NWD2: variants seen among roughly 807,000 people sequenced by gnomAD.
NWD2 encodes the protein NACHT and WD repeat domain-containing protein 2.
Under a neutral mutation model 132.7 loss-of-function variants are expected in NWD2, and 37 were observed. The ratio of observed to expected loss-of-function variants is 0.28; its 90% CI spans 0.21 to 0.37. The LOEUF (loss-of-function observed/expected upper bound fraction) is 0.37. NWD2 is among the 10% of genes least tolerant of loss of function. The pLI is 1.00. For synonymous variants in NWD2, 705 were observed against 803.0 expected (o/e 0.88, Z 2.06); for missense variants, 1,592 against 2,122.4 (o/e 0.75, Z 4.91).
At chr4:37,395,820 C>A (rs1397803672) in intron 3 of NWD2, among the ~76,000 whole-genome samples, 1 of 151,468 alleles carries the variant, frequency 6.6e-6, no homozygotes, top group Non-Finnish European at 1.5e-5. Flanking sequence ...GGCTGGAGTG[C>A]AATGGCATGA....
intron 3 of NWD2, among the ~76,000 whole-genome samples, chr4:37,390,747 C>T (rs1720666309): frequency 6.6e-6 from 1 of 152,142 alleles, no homozygotes; most frequent in African/African-American, 2.4e-5. Context: ...GTTTAAATGA[C>T]TTGCCAAAAG....
At chr4:37,259,937 C>A (rs1235967772) in intron 1 of NWD2, among the ~76,000 whole-genome samples, 1 of 152,234 alleles carries the variant, frequency 6.6e-6, no homozygotes, top group Non-Finnish European at 1.5e-5. Context: ...CCATGCCTTT[C>A]TGGCAGGAGC....
At position 37,254,219 on chromosome 4, in the gene NWD2, T is replaced by C. The variant is rs369247283; in HGVS notation, c.151+9001T>C. On this transcript the variant is annotated intron_variant, in intron 1 of 6. Coordinates refer to ENST00000309447, the MANE Select transcript of NWD2 (RefSeq NM_001144990.2). ...ACTTAAAAGTTTAAAAAAATCAGGCTGGGCATATCAACATTTGTTGAAATA... is the reference window on the plus strand; with the variant it reads ...ACTTAAAAGTTTAAAAAAATCAGGCCGGGCATATCAACATTTGTTGAAATA... 6.3e-4 allele frequency among the ~76,000 whole-genome samples: 96 copies of C among 152,350 alleles called. 1 individual carries two copies. In the South Asian group the frequency reaches 0.019, roughly 31 times the overall value.
chr4:37,369,495 A>G (rs1236861141), intron 3 of NWD2, among the ~76,000 whole-genome samples: 1 of 152,152 alleles, frequency 6.6e-6, no homozygotes, highest in Non-Finnish European at 1.5e-5. Flanking sequence ...TTTGGCTTAC[A>G]TGAGGGTTTT....
Position 37,444,302 on chromosome 4 carries a change from A to T in NWD2, c.2314A>T (p.Arg772Trp). The change falls in exon 7 of 7, where the codon AGG (arginine) becomes TGG (tryptophan). Residue 772 changes from arginine (R) to tryptophan (W), a missense_variant. By Grantham distance (101) the Arg-to-Trp change is moderately radical. Transcript: ENST00000309447. The surrounding 1 kb of genome is among the most constrained non-coding windows in gnomAD (Gnocchi z 4.8). ...YFLGVWSGGRRKAFCLEDPYL... is the reference protein window; with the variant it reads ...YFLGVWSGGRWKAFCLEDPYL... ...TCTGGGGGTTTGGTCAGGGGGCAGG[A>T]GGAAAGCCTTCTGCCTTGAGGACCC... 6.4e-7 allele frequency: 1 copy of T among 1,551,736 alleles called. No homozygotes were observed. The highest frequency in any genetic ancestry group is 8.7e-7 in the Non-Finnish European group (1 of 1,146,970).
intron 2 of NWD2, among the ~76,000 whole-genome samples, chr4:37,348,673 T>TACACAC (rs1326646007): frequency 6.4e-4 from 18 of 28,210 alleles, no homozygotes; most frequent in East Asian, 1.1e-3. Flanking sequence ...TATATATATA[T>TACACAC]ATACACACAC....
rs1025770555 is a variant in NWD2 at position 37,262,093 on chromosome 4, C to T, written c.151+16875C>T. Reference sequence around the variant, plus strand: ...ATCCAACCAGAATAAATGCCATCTACAAACATCCAGGAAGCTGTACCTGTG... The same window carrying T: ...ATCCAACCAGAATAAATGCCATCTATAAACATCCAGGAAGCTGTACCTGTG... On this transcript the variant is annotated intron_variant, in intron 1 of 6. Coordinates refer to ENST00000309447, the MANE Select transcript of NWD2 (RefSeq NM_001144990.2). 8.5e-5 allele frequency among the ~76,000 whole-genome samples: 13 copies of T among 152,312 alleles called. 1 individual carries two copies. The East Asian group carries it at 2.5e-3, about 29-fold the overall frequency.
chr4:37,270,995 G>T lies in NWD2; in HGVS notation c.151+25777G>T, dbSNP rs28802057. Among the ~76,000 whole-genome samples, 498 of 151,854 alleles carry T rather than the reference G, an allele frequency of 3.3e-3. 4 individuals carry two copies. The highest frequency in any genetic ancestry group is 0.011 in the African/African-American group (473 of 41,464). ...TTGTCCTTGTGCCATCTGTTAAAAA[G>T]ACTTTCTTTTCCCCCATTGAATTGC... On this transcript the variant is annotated intron_variant, in intron 1 of 6. Transcript: ENST00000309447.
intron 1 of NWD2, among the ~76,000 whole-genome samples, chr4:37,323,986 C>T (rs771760997): frequency 6.6e-6 from 1 of 151,974 alleles, no homozygotes; most frequent in Non-Finnish European, 1.5e-5. Flanking sequence ...GGGAGCTAAA[C>T]ATTGAGCACA....
intron 2 of NWD2, among the ~76,000 whole-genome samples, chr4:37,334,312 A>G (rs535644714): frequency 2.6e-5 from 4 of 151,946 alleles, no homozygotes; most frequent in African/African-American, 9.6e-5. Context: ...TGCCAATAGG[A>G]TCTCTCTTTA....
chr4:37,428,627 G>A (rs1377550679), intron 3 of NWD2, among the ~76,000 whole-genome samples: 1 of 152,170 alleles, frequency 6.6e-6, no homozygotes, highest in Non-Finnish European at 1.5e-5. Context: ...ATGTTCCCAG[G>A]TGTTGCAGAT....
intron 3 of NWD2, among the ~76,000 whole-genome samples, chr4:37,399,956 T>C (rs1300799655): frequency 6.6e-6 from 1 of 152,174 alleles, no homozygotes; most frequent in East Asian, 1.9e-4. Flanking sequence ...CTAGACCAGG[T>C]TTTCCTTTCT....
At chr4:37,435,491 C>G (rs1712298167) in intron 5 of NWD2, among the ~76,000 whole-genome samples, 1 of 152,164 alleles carries the variant, frequency 6.6e-6, no homozygotes, top group African/African-American at 2.4e-5. Flanking sequence ...ATCCTTGTTC[C>G]TTTGGAACCT....
intron 2 of NWD2, among the ~76,000 whole-genome samples, chr4:37,338,606 C>G (rs1312054220): frequency 6.6e-6 from 1 of 152,210 alleles, no homozygotes; most frequent in Non-Finnish European, 1.5e-5. Context: ...AACTAGAAAT[C>G]TTTAACTTAA....
At chr4:37,360,375 G>T (rs1224409141) in intron 3 of NWD2, among the ~76,000 whole-genome samples, 3 of 152,060 alleles carry the variant, frequency 2.0e-5, no homozygotes, top group East Asian at 3.8e-4. Flanking sequence ...AATGTAAAAA[G>T]TATCAAGGCT....
chr4:37,354,714 T>C (rs116377325), intron 2 of NWD2, among the ~76,000 whole-genome samples: 2,188 of 152,284 alleles, frequency 0.014, 23 homozygotes, highest in Non-Finnish European at 0.023. Flanking sequence ...TCTGGGAACA[T>C]CCTTCCCAAG....
chr4:37,264,875 A>C (rs950295543), intron 1 of NWD2, among the ~76,000 whole-genome samples: 5 of 152,150 alleles, frequency 3.3e-5, no homozygotes, highest in African/African-American at 1.2e-4. Flanking sequence ...AAAAAGTAAA[A>C]TGTAGAGTCT....
intron 2 of NWD2, among the ~76,000 whole-genome samples, chr4:37,333,117 C>T (rs769394166): frequency 3.9e-4 from 60 of 152,072 alleles, no homozygotes; most frequent in Non-Finnish European, 3.8e-4. Flanking sequence ...AACTCCAGGC[C>T]CTGGCTCATG....
intron 5 of NWD2, among the ~76,000 whole-genome samples, chr4:37,434,359 A>G (rs191892195): frequency 5.4e-4 from 83 of 152,312 alleles, no homozygotes; most frequent in African/African-American, 1.9e-3. Context: ...TTGAGTTCCT[A>G]CGTGCCAAGC....
Sources: gnomAD v4.1 joint callset for allele counts (sites outside exome capture counted in the v4.1 genomes callset) on GRCh38, gnomAD v4.1.1 for gene constraint, Gnocchi (gnomAD v3.1) non-coding constraint, MANE v1.5 for transcripts, NCBI Gene and HGNC (gene_info 2026-07-23, HGNC 2026-07-21) for gene names.